ARHGEF3: variants seen among roughly 807,000 people sequenced by gnomAD.
The protein encoded by ARHGEF3 is 59.8 kDA protein.
ARHGEF3 carries 28 observed loss-of-function variants against 63.2 expected under a neutral mutation model. That is an observed-to-expected ratio of 0.44 (90% confidence interval 0.33 to 0.61). The LOEUF (loss-of-function observed/expected upper bound fraction) is 0.61. Ranked by LOEUF, ARHGEF3 falls within the 20% of genes least tolerant of loss-of-function variation. The probability of loss-of-function intolerance (pLI) is 0.03; values close to 1 mark genes in which losing one functional copy is unlikely to be tolerated. For synonymous variants in ARHGEF3, 266 were observed against 254.2 expected, an observed-to-expected ratio of 1.05 and a Z score of -0.44; for missense variants, 533 against 659.3, an observed-to-expected ratio of 0.81 and a Z score of 2.10.
At position 56,728,796 on chromosome 3, in the gene ARHGEF3, C is replaced by A. The variant is rs905206023; in HGVS notation, c.*474G>T. 2 of 154,612 alleles carry A rather than the reference C, an allele frequency of 1.3e-5. No homozygotes were observed. The highest frequency in any genetic ancestry group is 2.9e-5 in the Non-Finnish European group (2 of 69,534). The allele number at this position is 154,612 out of a possible 1,614,324, so 9.6% of individuals were successfully genotyped here. A position where few individuals can be genotyped will look rare whatever the true frequency, so the allele number is the denominator to read the frequency against. On this transcript the variant is annotated 3_prime_UTR_variant, in exon 10 of 10. Coordinates refer to ENST00000296315, the MANE Select transcript of ARHGEF3 (RefSeq NM_019555.3). ...AAGTTCACTTCATGAGTTGGTCTTTCCTGATTCTCTCTCTAATACCATCCC... is the reference window on the plus strand; with the variant it reads ...AAGTTCACTTCATGAGTTGGTCTTTACTGATTCTCTCTCTAATACCATCCC...
intron 3 of ARHGEF3, among the ~76,000 whole-genome samples, chr3:56,932,302 A>T (rs1010934628): frequency 6.6e-6 from 1 of 152,228 alleles, no homozygotes; most frequent in African/African-American, 2.4e-5. Flanking sequence ...AACAAAAAAA[A>T]GTCATGTATA....
At chr3:57,056,888 G>A (rs1049200772) in intron 1 of ARHGEF3, among the ~76,000 whole-genome samples, 2 of 151,826 alleles carry the variant, frequency 1.3e-5, no homozygotes. Flanking sequence ...GTTCAAGCAG[G>A]CGACAAAACA....
rs192188732 is a variant in ARHGEF3, at chr3:56,750,260, G to A, written c.612+796C>T. ...AACATAAATGTGTAGAATAGGGAGC[G>A]GTGGGGACTGAGGCAAAATAAGAGC... On this transcript the variant is annotated intron_variant, in intron 6 of 9. Transcript: ENST00000296315. Among the ~76,000 whole-genome samples the A allele has an allele frequency of 3.3e-3, 502 of 152,262 alleles. 1 individual carries two copies. Among genetic ancestry groups the A allele is most frequent in the Middle Eastern group, 0.024 (7 of 294 alleles).
chr3:56,951,499 G>C (rs1380980056), intron 3 of ARHGEF3, among the ~76,000 whole-genome samples: 1 of 151,878 alleles, frequency 6.6e-6, no homozygotes, highest in Non-Finnish European at 1.5e-5. Flanking sequence ...ACTTTTATAT[G>C]CACTGGGAAA....
chr3:56,743,359 A>G (rs957489638), intron 7 of ARHGEF3, among the ~76,000 whole-genome samples: 11 of 152,184 alleles, frequency 7.2e-5, no homozygotes, highest in Admixed American at 5.2e-4. Context: ...CAGAAACTCA[A>G]AGTAGTGGGC....
chr3:56,743,247 AG>A (rs2034159569), intron 7 of ARHGEF3, among the ~76,000 whole-genome samples: 1 of 152,216 alleles, frequency 6.6e-6, no homozygotes, highest in South Asian at 2.1e-4. Flanking sequence ...GAATCAGAAG[AG>A]GGTCCTTTAT....
chr3:56,734,169 G>A (rs1465552646), intron 8 of ARHGEF3, among the ~76,000 whole-genome samples: 1 of 152,024 alleles, frequency 6.6e-6, no homozygotes, highest in African/African-American at 2.4e-5. Flanking sequence ...TGGTGGAGCT[G>A]GGGTATATTT....
chr3:56,781,639 C>A (rs892249099), intron 1 of ARHGEF3, among the ~76,000 whole-genome samples: 1 of 152,204 alleles, frequency 6.6e-6, no homozygotes, highest in Non-Finnish European at 1.5e-5. Context: ...TTTGTTATAG[C>A]AGTCATAAGA....
intron 1 of ARHGEF3, among the ~76,000 whole-genome samples, chr3:57,067,466 T>C (rs1183615313): frequency 6.8e-6 from 1 of 146,960 alleles, no homozygotes; most frequent in African/African-American, 2.5e-5. Context: ...ATAATAATAA[T>C]AATAATAATA....
intron 2 of ARHGEF3, among the ~76,000 whole-genome samples, chr3:56,999,623 T>G (rs989388522): frequency 1.3e-5 from 2 of 152,198 alleles, no homozygotes; most frequent in East Asian, 3.9e-4. Flanking sequence ...TTGGGCAATA[T>G]AGCCAGACCC....
chr3:56,784,735 G>C (rs1417414420), intron 1 of ARHGEF3, among the ~76,000 whole-genome samples: 3 of 152,190 alleles, frequency 2.0e-5, no homozygotes, highest in African/African-American at 7.2e-5. Context: ...TGCAGCAAGT[G>C]ACAAAGTTCT....
At chr3:56,845,771 G>A (rs1200329441) in intron 4 of ARHGEF3, among the ~76,000 whole-genome samples, 1 of 152,210 alleles carries the variant, frequency 6.6e-6, no homozygotes, top group Non-Finnish European at 1.5e-5. Flanking sequence ...TCACTGCCTG[G>A]AGACTCAAAG....
intron 9 of ARHGEF3, 97 bp downstream of exon 9, chr3:56,732,141 C>G: frequency 6.9e-7 from 1 of 1,441,202 alleles, no homozygotes; most frequent in South Asian, 1.2e-5. Context: ...AGTTTGACTT[C>G]AAGACCGTGG....
At position 56,773,814 on chromosome 3, in the gene ARHGEF3, C is replaced by T. The variant is rs138860790; in HGVS notation, c.99G>A (p.Glu33=). ...PASGPAKDAE[E]PSNKRVKPLS... ...GGGGTTTGACCCGTTTATTACTAGG[C>T]TCCTATAGAGTTAAAAAAAAAAAAA... Residue 33 remains glutamate, a splice_region_variant and synonymous_variant, in exon 2 of 10, where the codon GAG becomes GAA. Coordinates refer to ENST00000296315, the MANE Select transcript of ARHGEF3 (RefSeq NM_019555.3). The T allele has an allele frequency of 2.9e-5, 46 of 1,585,986 alleles. No individual in the cohort carries two copies. The African/African-American group carries it at 5.2e-4, about 18-fold the overall frequency.
chr3:56,751,555 G>A (rs1431654671), intron 4 of ARHGEF3, among the ~76,000 whole-genome samples, 159 bp from the exon 5 acceptor site: 1 of 152,204 alleles, frequency 6.6e-6, no homozygotes, highest in Non-Finnish European at 1.5e-5. Context: ...AGGTGTGGCT[G>A]GAGGAGAGGA....
chr3:56,840,217 G>A (rs1578649336), intron 4 of ARHGEF3, among the ~76,000 whole-genome samples: 1 of 152,148 alleles, frequency 6.6e-6, no homozygotes, highest in East Asian at 1.9e-4. Flanking sequence ...GTGCCTAGGA[G>A]AGCCAGCCAA....
At chr3:56,957,215 T>C (rs1331480897) in intron 3 of ARHGEF3, among the ~76,000 whole-genome samples, 6 of 152,234 alleles carry the variant, frequency 3.9e-5, no homozygotes, top group Admixed American at 6.5e-5. Flanking sequence ...CACATTTCTC[T>C]TTGTACTCAA....
At chr3:56,992,967 G>A (rs1386236730) in intron 2 of ARHGEF3, among the ~76,000 whole-genome samples, 1 of 152,122 alleles carries the variant, frequency 6.6e-6, no homozygotes, top group Admixed American at 6.5e-5. Context: ...CCCAGTAGCT[G>A]GGATTACAGC....
At chr3:56,814,551 G>T (rs991784964) in intron 4 of ARHGEF3, among the ~76,000 whole-genome samples, 3 of 152,096 alleles carry the variant, frequency 2.0e-5, no homozygotes, top group Non-Finnish European at 4.4e-5. Flanking sequence ...AGGTTTTAAT[G>T]AGTTAAAAAC....
Sources: allele counts gnomAD v4.1 joint callset (sites outside exome capture counted in the v4.1 genomes callset), GRCh38; gene constraint gnomAD v4.1.1; transcripts MANE v1.5; gene names NCBI Gene and HGNC (gene_info 2026-07-23, HGNC 2026-07-21).